The following CFAP20 variants were observed in gnomAD, a reference collection of about 807,000 sequenced individuals.
CFAP20 encodes the protein cilia and flagella associated protein 20.
CFAP20 carries 14 observed loss-of-function variants against 25.5 expected under a neutral mutation model. The ratio of observed to expected loss-of-function variants is 0.55; its 90% CI spans 0.36 to 0.86. The LOEUF (loss-of-function observed/expected upper bound fraction) is 0.86. CFAP20 is among the 40% of genes least tolerant of loss of function. The pLI, the probability that CFAP20 is intolerant of heterozygous loss-of-function variation, is 0.01. For synonymous variants in CFAP20, 75 were observed against 91.1 expected (o/e 0.82, Z 1.01); for missense variants, 181 against 248.0 (o/e 0.73, Z 1.81).
chr16:58,128,342 G>A (rs1195042372), intron 1 of CFAP20, among the ~76,000 whole-genome samples: 1 of 152,200 alleles, frequency 6.6e-6, no homozygotes. Context: ...GCATTCTGCA[G>A]TTTTCCTGAT....
At chr16:58,121,411 C>A (rs1268041029) in intron 1 of CFAP20, among the ~76,000 whole-genome samples, 4 of 152,288 alleles carry the variant, frequency 2.6e-5, no homozygotes, top group Middle Eastern at 3.4e-3. Context: ...TTCTGTCCTT[C>A]TCTAGATCAC....
At chr16:58,115,801 G>C (rs866741363) in intron 3 of CFAP20, 72 of 509,914 alleles carry the variant, frequency 1.4e-4, no homozygotes, top group African/African-American at 1.2e-3. Flanking sequence ...TGGATACCAC[G>C]CTAACTCTGA....
intron 1 of CFAP20, among the ~76,000 whole-genome samples, chr16:58,118,557 T>A (rs1254709590): frequency 1.4e-5 from 2 of 145,234 alleles, no homozygotes; most frequent in African/African-American, 5.1e-5. Context: ...GGGTCAGGCA[T>A]GGTGGTTCAC....
intron 4 of CFAP20, 45 bp from the exon 5 acceptor site, chr16:58,114,965 TC>T (rs1227569162): frequency 6.7e-7 from 1 of 1,501,206 alleles, no homozygotes; most frequent in Non-Finnish European, 9.3e-7. Context: ...GTGACTGTTC[TC>T]CCCCTTTTCC....
In CFAP20 at chr16:58,113,728, A is replaced by C. The variant is rs1421687749; in HGVS notation, c.*297T>G. The C allele has an allele frequency of 2.6e-6, 1 of 381,976 alleles. No homozygotes were observed. Among genetic ancestry groups the C allele is most frequent in the Admixed American group, 4.0e-5 (1 of 25,220 alleles). The allele number at this position is 381,976 out of a possible 1,614,324, so 23.7% of individuals were successfully genotyped here. Reference sequence around the variant, plus strand: ...ATTGGTCTGGAATTCCTTATGGGCCATCTTTAATTCTGTAAGTTCATGGTA... The same window carrying C: ...ATTGGTCTGGAATTCCTTATGGGCCCTCTTTAATTCTGTAAGTTCATGGTA... On this transcript the variant is annotated 3_prime_UTR_variant, in exon 6 of 6. Coordinates refer to ENST00000262498, the MANE Select transcript of CFAP20 (RefSeq NM_013242.3).
rs1237421545 is a variant in CFAP20 at position 58,113,724 on chromosome 16, G to A, written c.*301C>T. The stretch of plus-strand genomic sequence containing the variant: ...AAATATTGGTCTGGAATTCCTTATG[G>A]GCCATCTTTAATTCTGTAAGTTCAT... On this transcript the variant is annotated 3_prime_UTR_variant, in exon 6 of 6. Coordinates refer to ENST00000262498, the MANE Select transcript of CFAP20 (RefSeq NM_013242.3). 1 of 367,910 alleles carries A rather than the reference G, an allele frequency of 2.7e-6. No homozygotes were observed. Among genetic ancestry groups the A allele is most frequent in the Non-Finnish European group, 5.0e-6 (1 of 199,768 alleles). 22.8% of individuals were successfully genotyped at this position (367,910 alleles called of 1,614,324 possible).
At chr16:58,122,439 G>A (rs1343541426) in intron 1 of CFAP20, among the ~76,000 whole-genome samples, 1 of 152,158 alleles carries the variant, frequency 6.6e-6, no homozygotes, top group Non-Finnish European at 1.5e-5. Flanking sequence ...AAAATTAGCT[G>A]GGTGTGGTAG....
At chr16:58,127,357 T>C (rs1960629572) in intron 1 of CFAP20, among the ~76,000 whole-genome samples, 1 of 152,242 alleles carries the variant, frequency 6.6e-6, no homozygotes, top group Admixed American at 6.5e-5. Context: ...CTATCTGCTC[T>C]GAAAACCTCT....
chr16:58,126,917 G>A (rs1032292777), intron 1 of CFAP20, among the ~76,000 whole-genome samples: 1 of 152,146 alleles, frequency 6.6e-6, no homozygotes, highest in Admixed American at 6.5e-5. Flanking sequence ...GCCCCAAGAG[G>A]GGAAAAATCC....
intron 4 of CFAP20, 27 bp downstream of exon 4, chr16:58,115,242 G>A: frequency 6.2e-7 from 1 of 1,613,762 alleles, no homozygotes; most frequent in Non-Finnish European, 8.5e-7. Flanking sequence ...CCCCAACCCA[G>A]GGCTCTATCT....
chr16:58,114,994 C>T, intron 4 of CFAP20, 74 bp from the exon 5 acceptor site: 1 of 1,349,226 alleles, frequency 7.4e-7, no homozygotes, highest in Non-Finnish European at 1.1e-6. Context: ...TCTAGAGGCC[C>T]TCTTCCAGGA....
chr16:58,127,006 T>G (rs781405317), intron 1 of CFAP20, among the ~76,000 whole-genome samples: 2 of 152,218 alleles, frequency 1.3e-5, no homozygotes, highest in African/African-American at 2.4e-5. Context: ...TTGTGAAGAT[T>G]TTGCTTGAAA....
rs1409513508 is a variant in CFAP20, at chr16:58,114,889, T to C, written c.497A>G (p.Tyr166Cys). The change falls in exon 5 of 6, where the codon TAC becomes TGC. Residue 166 changes from tyrosine (Y) to cysteine (C), a missense_variant. Transcript: ENST00000262498. Reference protein sequence around the residue: ...IHANCRIRRVYFSDRLYSEDE... With the variant: ...IHANCRIRRVCFSDRLYSEDE... ...TTCTGAGTAGAGTCTGTCTGAGAAG[T>C]AAACCCGTCGGATGCGACAATTTGC... is the stretch of plus-strand genomic sequence containing the variant. 2 of 1,614,076 alleles carry C rather than the reference T, an allele frequency of 1.2e-6. No individual in the cohort carries two copies. Among genetic ancestry groups the C allele is most frequent in the Non-Finnish European group, 1.7e-6 (2 of 1,179,962 alleles).
intron 1 of CFAP20, 87 bp from the exon 2 acceptor site, chr16:58,117,038 C>T (rs1023547450): frequency 1.6e-6 from 2 of 1,223,214 alleles, no homozygotes; most frequent in East Asian, 2.4e-5. Context: ...GCCCAAGAGG[C>T]GTACAAAGAA....
chr16:58,122,160 T>C (rs1181961105), intron 1 of CFAP20, among the ~76,000 whole-genome samples: 1 of 152,160 alleles, frequency 6.6e-6, no homozygotes, highest in African/African-American at 2.4e-5. Flanking sequence ...AAGGCTTCAC[T>C]CCCTTCGCTG....
At chr16:58,124,624 G>C (rs377080270) in intron 1 of CFAP20, among the ~76,000 whole-genome samples, 8 of 152,274 alleles carry the variant, frequency 5.3e-5, no homozygotes, top group African/African-American at 1.9e-4. Context: ...ACATAGAAAA[G>C]GTACAGTACT....
In CFAP20 at chr16:58,115,265, G is replaced by A; in HGVS notation, c.465+4C>T. ...CAGGGCTCTATCTGGGAAAGGAGCAGTACCTGCACTCTGAGGGTCTCGATG... is the reference window on the plus strand; with the variant it reads ...CAGGGCTCTATCTGGGAAAGGAGCAATACCTGCACTCTGAGGGTCTCGATG... On this transcript the variant is annotated splice_donor_region_variant and intron_variant, in intron 4 of 5. Coordinates refer to ENST00000262498, the MANE Select transcript of CFAP20 (RefSeq NM_013242.3). 1 of 1,614,172 alleles carries A rather than the reference G, an allele frequency of 6.2e-7. No homozygotes were observed. The highest frequency in any genetic ancestry group is 8.5e-7 in the Non-Finnish European group (1 of 1,180,040).
At chr16:58,116,836 T>G in intron 2 of CFAP20, 36 bp downstream of exon 2, 1 of 1,572,636 alleles carries the variant, frequency 6.4e-7, no homozygotes, top group South Asian at 1.1e-5. Flanking sequence ...CTCCCTAGTA[T>G]ATGATGTCTC....
At chr16:58,115,168 G>T in intron 4 of CFAP20, 101 bp downstream of exon 4, 1 of 1,497,346 alleles carries the variant, frequency 6.7e-7, no homozygotes, top group Non-Finnish European at 9.3e-7. Context: ...GGCAACTGAA[G>T]CCAGAAACCC....
Sources: gnomAD v4.1 joint callset for allele counts (sites outside exome capture counted in the v4.1 genomes callset) on GRCh38, gnomAD v4.1.1 for gene constraint, MANE v1.5 for transcripts, NCBI Gene and HGNC (gene_info 2026-07-23, HGNC 2026-07-21) for gene names.